ELOVL6: variants seen among roughly 807,000 people sequenced by gnomAD.
The protein encoded by ELOVL6 is very long chain fatty acid elongase 6.
A neutral mutation model predicts 31.7 loss-of-function variants in ELOVL6; 8 were observed. The observed-to-expected ratio is 0.25, with a 90% CI of 0.15 to 0.45. The LOEUF is 0.45. Among genes scored for constraint, ELOVL6 ranks in the 20% least tolerant of loss-of-function variants. The pLI is 1.00. For missense variants in ELOVL6, 126 were observed against 326.4 expected, an observed-to-expected ratio of 0.39 and a Z score of 4.73; for synonymous variants, 101 against 117.7, an observed-to-expected ratio of 0.86 and a Z score of 0.92.
chr4:110,064,290 A>G (rs755001375), intron 2 of ELOVL6, among the ~76,000 whole-genome samples: 22 of 151,474 alleles, frequency 1.5e-4, no homozygotes, highest in Middle Eastern at 3.4e-3. Flanking sequence ...TTCTTCTCAA[A>G]CTCCTGCACT....
chr4:110,079,154 C>A (rs1755752448), intron 2 of ELOVL6, among the ~76,000 whole-genome samples: 1 of 152,188 alleles, frequency 6.6e-6, no homozygotes, highest in Admixed American at 6.5e-5. Flanking sequence ...GACTTTAACA[C>A]CCTACTGTCA....
At chr4:110,196,799 C>T (rs897001826) in intron 1 of ELOVL6, among the ~76,000 whole-genome samples, 2 of 152,060 alleles carry the variant, frequency 1.3e-5, no homozygotes, top group Non-Finnish European at 2.9e-5. Flanking sequence ...GCCCAGGAGG[C>T]GGGCTCCGCC....
At chr4:110,156,128 C>T (rs1168165178) in intron 1 of ELOVL6, among the ~76,000 whole-genome samples, 1 of 152,140 alleles carries the variant, frequency 6.6e-6, no homozygotes, top group Admixed American at 6.5e-5. Flanking sequence ...CTGGAGGCTG[C>T]ACCAGAGCCA....
chr4:110,124,257 G>A (rs180845970), intron 1 of ELOVL6, among the ~76,000 whole-genome samples: 3 of 152,248 alleles, frequency 2.0e-5, no homozygotes, highest in East Asian at 1.9e-4. Flanking sequence ...TATTGCATAC[G>A]TATGTTTACT....
chr4:110,071,147 G>A (rs1037679995), intron 2 of ELOVL6, among the ~76,000 whole-genome samples: 1 of 152,168 alleles, frequency 6.6e-6, no homozygotes, highest in African/African-American at 2.4e-5. Flanking sequence ...GCAAGGAAGG[G>A]AGGTAGCAGA....
At chr4:110,125,048 G>A (rs920661592) in intron 1 of ELOVL6, among the ~76,000 whole-genome samples, 1 of 152,096 alleles carries the variant, frequency 6.6e-6, no homozygotes, top group Non-Finnish European at 1.5e-5. Flanking sequence ...GTGGAAATCA[G>A]AACTTTTGAA....
chr4:110,109,777 A>G (rs998204878), intron 1 of ELOVL6, among the ~76,000 whole-genome samples: 1 of 152,166 alleles, frequency 6.6e-6, no homozygotes, highest in Non-Finnish European at 1.5e-5. Context: ...AAACTAGTTT[A>G]TTTGCTAATG....
chr4:110,067,884 A>G (rs989886687), intron 2 of ELOVL6, among the ~76,000 whole-genome samples: 2 of 152,154 alleles, frequency 1.3e-5, no homozygotes, highest in African/African-American at 4.8e-5. Flanking sequence ...TATGTCTTTC[A>G]CATATTTTAA....
rs867051197 is a variant in ELOVL6, at chr4:110,084,567, T to G, written c.221+20930A>C. 2.5e-3 allele frequency among the ~76,000 whole-genome samples: 87 copies of G among 34,596 alleles called. 2 individuals carry two copies. The highest frequency in any genetic ancestry group is 0.011 in the Middle Eastern group (1 of 92). 22.7% of individuals were successfully genotyped at this position (34,596 alleles called of 152,430 possible). ...ACACACACACACACACACACAGATA[T>G]ATATATATATATATATATATATTTT... On this transcript the variant is annotated intron_variant, in intron 2 of 3. Coordinates refer to ENST00000302274, the MANE Select transcript of ELOVL6 (RefSeq NM_024090.3).
chr4:110,116,700 A>T (rs796605552), intron 1 of ELOVL6, among the ~76,000 whole-genome samples: 86 of 152,314 alleles, frequency 5.6e-4, no homozygotes, highest in African/African-American at 1.9e-3. Flanking sequence ...CAATCTTAAA[A>T]TACGTACTAC....
intron 1 of ELOVL6, among the ~76,000 whole-genome samples, chr4:110,175,242 G>A (rs557229625): frequency 2.0e-5 from 3 of 152,126 alleles, no homozygotes; most frequent in South Asian, 2.1e-4. Flanking sequence ...AATTAGCCAC[G>A]CGTGGTGGTG....
rs77456440 is a variant in ELOVL6, at chr4:110,062,048, T to C, written c.222-2294A>G. Among the ~76,000 whole-genome samples the C allele has an allele frequency of 1.8e-3, 268 of 152,228 alleles. 4 individuals carry two copies. The East Asian group carries it at 0.039, about 22-fold the overall frequency. ...TATTTATTGGCATGGTTTTAGATGA[T>C]GGAGTGAAAAAAAATCATTAAGCTA... On this transcript the variant is annotated intron_variant, in intron 2 of 3. Transcript: ENST00000302274.
chr4:110,084,306 CAT>C (rs1274810254), intron 2 of ELOVL6, among the ~76,000 whole-genome samples: 2 of 79,234 alleles, frequency 2.5e-5, no homozygotes, highest in East Asian at 4.3e-4. Context: ...TGATATATAA[CAT>C]ATAACATATA....
intron 2 of ELOVL6, among the ~76,000 whole-genome samples, chr4:110,064,827 C>A (rs1161862583): frequency 1.3e-5 from 2 of 152,132 alleles, no homozygotes; most frequent in East Asian, 3.9e-4. Flanking sequence ...CAATAGGTGC[C>A]TGGCCACAAT....
chr4:110,185,815 TCAGCCACTC>T (rs147925677), intron 1 of ELOVL6, among the ~76,000 whole-genome samples: 4,868 of 152,216 alleles, frequency 0.032, 110 homozygotes, highest in Non-Finnish European at 0.045. Context: ...ATACCTTCAA[TCAGCCACTC>T]CATGTATAAT....
chr4:110,161,100 T>C (rs1010072971), intron 1 of ELOVL6, among the ~76,000 whole-genome samples: 10 of 152,148 alleles, frequency 6.6e-5, no homozygotes, highest in African/African-American at 2.4e-4. Context: ...TCTAGCAACA[T>C]TTCCAGTGCA....
intron 2 of ELOVL6, among the ~76,000 whole-genome samples, chr4:110,075,522 A>C (rs1755604075): frequency 6.6e-6 from 1 of 152,220 alleles, no homozygotes; most frequent in South Asian, 2.1e-4. Flanking sequence ...AAAAAGACAA[A>C]TACTGTATGA....
chr4:110,189,849 C>T (rs1314705420), intron 1 of ELOVL6, among the ~76,000 whole-genome samples: 2 of 151,728 alleles, frequency 1.3e-5, no homozygotes, highest in South Asian at 4.2e-4. Context: ...CGCCTGTAGT[C>T]CCAGCTACTC....
intron 1 of ELOVL6, among the ~76,000 whole-genome samples, chr4:110,192,172 A>T (rs925987457): frequency 6.6e-6 from 1 of 150,992 alleles, no homozygotes; most frequent in East Asian, 1.9e-4. Context: ...CCTGGGCAAC[A>T]AGGGCAAAAC....
Sources: allele counts gnomAD v4.1 joint callset (sites outside exome capture counted in the v4.1 genomes callset), GRCh38; gene constraint gnomAD v4.1.1; transcripts MANE v1.5; gene names NCBI Gene and HGNC (gene_info 2026-07-23, HGNC 2026-07-21).